The following GPLD1 variants were observed in gnomAD, a reference collection of about 807,000 sequenced individuals.
GPLD1 encodes the protein phosphatidylinositol-glycan-specific phospholipase D.
In GPLD1, 84 loss-of-function variants were observed where a neutral mutation model predicts 112.6. The observed-to-expected ratio is 0.75, with a 90% CI of 0.63 to 0.89. GPLD1 has a LOEUF of 0.89. GPLD1 is among the 40% of genes least tolerant of loss of function. GPLD1 has a pLI of 0.00. For synonymous variants in GPLD1, 386 were observed against 403.8 expected (o/e 0.96, Z 0.53); for missense variants, 1,044 against 1,051.5 (o/e 0.99, Z 0.10).
chr6:24,470,241 A>G (rs61566541), intron 7 of GPLD1, among the ~76,000 whole-genome samples: 2,052 of 152,206 alleles, frequency 0.013, 42 homozygotes, highest in African/African-American at 0.046. Flanking sequence ...TTCTAGCACC[A>G]TGGAATATCA....
At chr6:24,466,610 G>C (rs562356996) in intron 10 of GPLD1, 70 bp downstream of exon 10, 1 of 1,285,544 alleles carries the variant, frequency 7.8e-7, no homozygotes, top group Non-Finnish European at 1.1e-6. Context: ...TGAAAAACCT[G>C]AGAGTTATGT....
At chr6:24,473,788 T>G (rs975162276) in intron 5 of GPLD1, 121 bp from the exon 6 acceptor site, 1 of 592,504 alleles carries the variant, frequency 1.7e-6, no homozygotes, top group Non-Finnish European at 3.0e-6. Context: ...GGACGCATAA[T>G]AGACTCAATT....
Position 24,466,906 on chromosome 6 carries a change from C to A in GPLD1, c.681+6G>T, listed in dbSNP as rs1561847966. The A allele has an allele frequency of 5.0e-6, 8 of 1,610,010 alleles. No individual in the cohort carries two copies. The highest frequency in any genetic ancestry group is 6.8e-6 in the Non-Finnish European group (8 of 1,176,314). On this transcript the variant is annotated splice_donor_region_variant and intron_variant, in intron 9 of 24. Coordinates refer to ENST00000230036, the MANE Select transcript of GPLD1 (RefSeq NM_001503.4). ...CCTTTAAGATTTGGAAGAATGACGCCTTTACCTTGGAAACAGCTAGCATCT... is the reference window on the plus strand; with the variant it reads ...CCTTTAAGATTTGGAAGAATGACGCATTTACCTTGGAAACAGCTAGCATCT...
intron 4 of GPLD1, 100 bp downstream of exon 4, chr6:24,476,081 A>G: frequency 1.5e-6 from 1 of 649,214 alleles, no homozygotes; most frequent in East Asian, 2.8e-5. Context: ...AATGGTGGGC[A>G]GCCCTTACAG....
intron 24 of GPLD1, among the ~76,000 whole-genome samples, chr6:24,432,247 TAAAA>T (rs71002493): frequency 1.1e-5 from 1 of 90,778 alleles, no homozygotes; most frequent in African/African-American, 4.6e-5. Flanking sequence ...GACTCTGTCT[TAAAA>T]AAAAAAAAAA....
At chr6:24,464,351 A>G (rs987001158) in intron 10 of GPLD1, among the ~76,000 whole-genome samples, 1 of 152,086 alleles carries the variant, frequency 6.6e-6, no homozygotes, top group Non-Finnish European at 1.5e-5. Flanking sequence ...GATCCCTTAA[A>G]TTCTGTACAA....
At chr6:24,479,838 C>T in intron 3 of GPLD1, 43 bp downstream of exon 3, 2 of 1,028,140 alleles carry the variant, frequency 1.9e-6, no homozygotes, top group Non-Finnish European at 3.1e-6. Flanking sequence ...TCCTATTAAC[C>T]AAGTAAAAGT....
chr6:24,450,991 GAATAAATA>G lies in GPLD1; in HGVS notation c.1336-1100_1336-1093del, dbSNP rs71754620. Among the ~76,000 whole-genome samples the G allele has an allele frequency of 2.0e-5, 3 of 151,948 alleles. No homozygotes were observed. In the South Asian group the frequency reaches 6.2e-4, roughly 32 times the overall value. On this transcript the variant is annotated intron_variant, in intron 14 of 24. Transcript: ENST00000230036. ...CCATCTCAAAACAAACACACAAACA[GAATAAATA>G]AATAAATAAATAAAAATTCAGTTTT...
At chr6:24,495,041 C>G in exon 1 of GPLD1, 1 of 1,351,074 alleles carries the variant, frequency 7.4e-7, no homozygotes. Flanking sequence ...CCCGGCGCCT[C>G]GGGTCGACGT....
At chr6:24,448,306 A>G (rs1762976683) in intron 15 of GPLD1, 98 bp from the exon 16 acceptor site, 2 of 765,884 alleles carry the variant, frequency 2.6e-6, no homozygotes, top group East Asian at 5.2e-5. Flanking sequence ...GGGTCCAGGT[A>G]TGGTGGCTGA....
chr6:24,447,785 A>G (rs74412548), intron 17 of GPLD1, 92 bp downstream of exon 17: 21,281 of 1,181,688 alleles, frequency 0.018, 276 homozygotes, highest in African/African-American at 0.033. Context: ...ATGATATGGA[A>G]TAAGGAAAAA....
At chr6:24,433,141 C>T (rs1762458321) in intron 24 of GPLD1, 46 bp downstream of exon 24, 27 of 1,303,020 alleles carry the variant, frequency 2.1e-5, no homozygotes, top group Non-Finnish European at 2.9e-5. Flanking sequence ...AAATCCCACC[C>T]GTAGTACTAA....
intron 2 of GPLD1, among the ~76,000 whole-genome samples, chr6:24,482,662 C>A (rs1764244178): frequency 6.6e-6 from 1 of 151,478 alleles, no homozygotes; most frequent in African/African-American, 2.4e-5. Context: ...GGTGATCTGC[C>A]AAAAACATAT....
chr6:24,435,849 T>TAAAAAAAAAAAAAAAAA (rs1554129001), intron 22 of GPLD1: 7 of 83,922 alleles, frequency 8.3e-5, no homozygotes, highest in South Asian at 3.7e-4. Flanking sequence ...AAAAAAAAAG[T>TAAAAAAAAAAAAAAAAA]TAAATAATGG....
chr6:24,429,868 G>A (rs376498725), intron 24 of GPLD1, among the ~76,000 whole-genome samples: 23 of 152,178 alleles, frequency 1.5e-4, no homozygotes, highest in African/African-American at 4.8e-4. Flanking sequence ...TTCAGTGGTG[G>A]CAAATCTTCA....
chr6:24,430,566 G>A (rs189521594), intron 24 of GPLD1, among the ~76,000 whole-genome samples: 1 of 151,152 alleles, frequency 6.6e-6, no homozygotes, highest in Non-Finnish European at 1.5e-5. Flanking sequence ...GCAGCCCCAT[G>A]AGAAGTTTCT....
At chr6:24,455,422 ATGCCCTTTGG>A (rs1331322132) in intron 13 of GPLD1, among the ~76,000 whole-genome samples, 8 of 152,238 alleles carry the variant, frequency 5.3e-5, no homozygotes, top group Non-Finnish European at 4.4e-5. Context: ...AGGAAATGCA[ATGCCCTTTGG>A]AATTAAGGAG....
At chr6:24,458,238 A>G (rs936252326) in intron 12 of GPLD1, among the ~76,000 whole-genome samples, 1 of 152,124 alleles carries the variant, frequency 6.6e-6, no homozygotes, top group Non-Finnish European at 1.5e-5. Flanking sequence ...CAGGCGCTGC[A>G]AAAGCACAGG....
chr6:24,484,569 G>A (rs113114869), intron 2 of GPLD1, among the ~76,000 whole-genome samples: 71 of 152,266 alleles, frequency 4.7e-4, no homozygotes, highest in African/African-American at 1.4e-3. Flanking sequence ...GAAAGGGAGC[G>A]TCTGTGTCCA....
Sources: allele counts gnomAD v4.1 joint callset (sites outside exome capture counted in the v4.1 genomes callset), GRCh38; gene constraint gnomAD v4.1.1; transcripts MANE v1.5; gene names NCBI Gene and HGNC (gene_info 2026-07-23, HGNC 2026-07-21).